The following FLNC variants were observed in gnomAD, a reference collection of about 807,000 sequenced individuals.
FLNC encodes filamin-C.
A neutral mutation model predicts 254.3 loss-of-function variants in FLNC; 91 were observed. The ratio of observed to expected loss-of-function variants is 0.36; its 90% CI spans 0.30 to 0.43. The LOEUF (loss-of-function observed/expected upper bound fraction) is 0.43. Ranked by LOEUF, FLNC falls within the 20% of genes least tolerant of loss-of-function variation. FLNC has a pLI of 1.00. For missense variants in FLNC, 2,853 were observed against 3,802.6 expected (o/e 0.75, Z 6.57); for synonymous variants, 1,430 against 1,577.2 (o/e 0.91, Z 2.21).
At position 128,835,140 on chromosome 7, in the gene FLNC, C is replaced by T. The variant is rs543377006; in HGVS notation, c.353-186C>T. Among the ~76,000 whole-genome samples the T allele has an allele frequency of 3.9e-4, 60 of 152,150 alleles. No homozygotes were observed. The highest frequency in any genetic ancestry group is 1.3e-3 in the African/African-American group (53 of 41,490). Reference sequence around the variant, plus strand: ...GAACACAGAGAAGCAGCCTTCTGACCGGAAGGGCCCCATAAAGAACTTGGC... The same window carrying T: ...GAACACAGAGAAGCAGCCTTCTGACTGGAAGGGCCCCATAAAGAACTTGGC... On this transcript the variant is annotated intron_variant, in intron 1 of 47. Transcript: ENST00000325888. This position sits in a 1 kb window ranked among gnomAD's most constrained non-coding sequence, Gnocchi z 5.3.
intron 16 of FLNC, 125 bp from the exon 17 acceptor site, chr7:128,843,104 G>T: frequency 4.4e-6 from 6 of 1,367,366 alleles, no homozygotes; most frequent in Non-Finnish European, 6.1e-6. Flanking sequence ...AGGAAGCAAA[G>T]GGGGCCCTTT....
At chr7:128,831,415 G>T (rs891894331) in intron 1 of FLNC, among the ~76,000 whole-genome samples, 5 of 152,226 alleles carry the variant, frequency 3.3e-5, no homozygotes, top group African/African-American at 9.6e-5. Flanking sequence ...CAGCTTCACA[G>T]CCCCTCCGCG....
intron 23 of FLNC, 97 bp downstream of exon 23, chr7:128,846,560 A>C (rs1483007202): frequency 4.0e-6 from 6 of 1,485,822 alleles, no homozygotes; most frequent in Non-Finnish European, 5.6e-6. Flanking sequence ...GCCCCACCCC[A>C]TCCTCTCTCA....
chr7:128,857,049 A>T lies in FLNC; in HGVS notation c.7562-69A>T. The T allele has an allele frequency of 6.3e-7, 1 of 1,576,144 alleles. No homozygotes were observed. The highest frequency in any genetic ancestry group is 2.2e-5 in the East Asian group (1 of 44,674). Reference sequence around the variant, plus strand: ...GAGTCCCCACAGAGGCTGTCCAGGGAGCTGGGGCCCAGTCCCTCTTGGGCC... The same window carrying T: ...GAGTCCCCACAGAGGCTGTCCAGGGTGCTGGGGCCCAGTCCCTCTTGGGCC... On this transcript the variant is annotated intron_variant, in intron 45 of 47. Transcript: ENST00000325888. The surrounding 1 kb of genome is among the most constrained non-coding windows in gnomAD (Gnocchi z 4.5).
rs752776641 is a variant in FLNC at position 128,852,699 on chromosome 7, C to T, written c.5951C>T (p.Pro1984Leu). The T allele has an allele frequency of 6.2e-7, 1 of 1,613,214 alleles. No individual in the cohort carries two copies. Among genetic ancestry groups the T allele is most frequent in the African/African-American group, 1.3e-5 (1 of 74,936 alleles). Reference protein sequence around the residue: ...LSQLTASIRAPSGNEEPCLLK... With the variant: ...LSQLTASIRALSGNEEPCLLK... The stretch of plus-strand genomic sequence containing the variant: ...CAGCTGACCGCCAGCATCCGTGCCC[C>T]CTCGGGCAACGAGGAGCCCTGCCTG... Residue 1984 changes from proline to leucine, a missense_variant, in exon 36 of 48, where the codon CCC becomes CTC. Transcript: ENST00000325888.
chr7:128,859,067 T>C lies in FLNC; in HGVS notation c.*544T>C, dbSNP rs150932895. ...CTGGCACATGGACCGGCCTGAGCGATGTGCACTCCACCCAAGCCAGGCTCC... is the reference window on the plus strand; with the variant it reads ...CTGGCACATGGACCGGCCTGAGCGACGTGCACTCCACCCAAGCCAGGCTCC... On this transcript the variant is annotated 3_prime_UTR_variant, in exon 48 of 48. Coordinates refer to ENST00000325888, the MANE Select transcript of FLNC (RefSeq NM_001458.5). The C allele has an allele frequency of 2.7e-3, 432 of 162,356 alleles. 5 individuals carry two copies. The highest frequency in any genetic ancestry group is 9.9e-3 in the African/African-American group (411 of 41,668). 10.1% of individuals were successfully genotyped at this position (162,356 alleles called of 1,614,324 possible). A position where few individuals can be genotyped will look rare whatever the true frequency, so the allele number is the denominator to read the frequency against.
intron 1 of FLNC, 50 bp downstream of exon 1, chr7:128,831,039 A>C: frequency 1.3e-6 from 2 of 1,564,534 alleles, no homozygotes; most frequent in Middle Eastern, 1.7e-4. Flanking sequence ...GGGTCGTCCC[A>C]TGGGGCAGGG....
At chr7:128,853,894 C>G in intron 39 of FLNC, 57 bp downstream of exon 39, 3 of 1,613,034 alleles carry the variant, frequency 1.9e-6, no homozygotes, top group South Asian at 1.1e-5. Context: ...TGGCCCGGGC[C>G]AGAGCCCACC....
chr7:128,841,337 GC>G lies in FLNC; in HGVS notation c.1985del (p.Pro662HisfsTer9), dbSNP rs1350210260. 1 of 1,613,752 alleles carries G rather than the reference GC, an allele frequency of 6.2e-7. No individual in the cohort carries two copies. The highest frequency in any genetic ancestry group is 8.5e-7 in the Non-Finnish European group (1 of 1,179,986). ...DSPFIAHILP[A>X]PPDCFPDKVK... is the part of the protein sequence containing the mutation. ...ACCCTTCATTGCCCACATCCTGCCC[GC>G]CCCACCTGACTGCTTCCCAGATAAG... On this transcript the variant is annotated frameshift_variant, in exon 12 of 48. Coordinates refer to ENST00000325888, the MANE Select transcript of FLNC (RefSeq NM_001458.5). LOFTEE classifies it high-confidence loss of function. This position sits in a 1 kb window ranked among gnomAD's most constrained non-coding sequence, Gnocchi z 4.3.
At position 128,841,696 on chromosome 7, in the gene FLNC, AC is replaced by A. The variant is rs1808342137; in HGVS notation, c.2121+130del. 1.3e-6 allele frequency: 1 copy of A among 759,264 alleles called. No individual in the cohort carries two copies. Among genetic ancestry groups the A allele is most frequent in the Non-Finnish European group, 2.4e-6 (1 of 419,562 alleles). The allele number at this position is 759,264 out of a possible 1,614,324, so 47.0% of individuals were successfully genotyped here. A position where few individuals can be genotyped will look rare whatever the true frequency, so the allele number is the denominator to read the frequency against. On this transcript the variant is annotated intron_variant, in intron 13 of 47. Coordinates refer to ENST00000325888, the MANE Select transcript of FLNC (RefSeq NM_001458.5). The surrounding 1 kb of genome is among the most constrained non-coding windows in gnomAD (Gnocchi z 4.3). ...TCACAGAAGATCAGGCAGGACTGAT[AC>A]TCATGGGCCCATCAGTACCATGGAA...
chr7:128,850,682 G>C, intron 32 of FLNC, 121 bp from the exon 33 acceptor site: 1 of 1,474,124 alleles, frequency 6.8e-7, no homozygotes, highest in Non-Finnish European at 9.3e-7. Context: ...ACTGCCACAG[G>C]CTGTCTCTTG....
In FLNC at chr7:128,842,402, C is replaced by T. The variant is rs1466041045; in HGVS notation, c.2265+28C>T. 2 of 1,613,054 alleles carry T rather than the reference C, an allele frequency of 1.2e-6. No homozygotes were observed. The highest frequency in any genetic ancestry group is 2.7e-5 in the African/African-American group (2 of 74,936). The stretch of plus-strand genomic sequence containing the variant: ...GCGTCCTCCCGGCCTGCCCCGTGCC[C>T]ACCACCAGGGGTCCCTGAGGGAGGG... On this transcript the variant is annotated intron_variant, in intron 14 of 47. Coordinates refer to ENST00000325888, the MANE Select transcript of FLNC (RefSeq NM_001458.5). The surrounding 1 kb of genome is among the most constrained non-coding windows in gnomAD (Gnocchi z 5.4).
Position 128,858,448 on chromosome 7 carries a change from AG to A in FLNC, c.8107del (p.Asp2703ThrfsTer69), listed in dbSNP as rs1563006160. ...ATGTCACCTACACTGTCAAGGAGAA[AG>A]GGGACTACATCCTCATTGTCAAGTG... ...YNVTYTVKEKGDYILIVKWGD... is the reference protein window; with the variant it reads ...YNVTYTVKEKXDYILIVKWGD... On this transcript the variant is annotated frameshift_variant, in exon 48 of 48. Transcript: ENST00000325888. LOFTEE classifies it high-confidence loss of function. This position sits in a 1 kb window ranked among gnomAD's most constrained non-coding sequence, Gnocchi z 6.7. The A allele has an allele frequency of 2.5e-6, 4 of 1,613,622 alleles. No homozygotes were observed. Among genetic ancestry groups the A allele is most frequent in the Non-Finnish European group, 3.4e-6 (4 of 1,179,840 alleles).
rs779760488 is a variant in FLNC, at chr7:128,838,599, G to T, written c.1211-4G>T. 6.2e-7 allele frequency: 1 copy of T among 1,612,876 alleles called. No homozygotes were observed. The highest frequency in any genetic ancestry group is 8.5e-7 in the Non-Finnish European group (1 of 1,179,990). On this transcript the variant is annotated splice_region_variant and splice_polypyrimidine_tract_variant and intron_variant, in intron 7 of 47. Transcript: ENST00000325888. ...GTGGTGCTGACAGCCTCTGTTTTCG[G>T]CAGGGGCCGGCACTGGCGATGTTGC...
intron 43 of FLNC, among the ~76,000 whole-genome samples, chr7:128,855,721 G>A (rs1364563097): frequency 6.6e-6 from 1 of 152,226 alleles, no homozygotes; most frequent in African/African-American, 2.4e-5. Flanking sequence ...CCTATGGGCT[G>A]CAGAGCCTGG....
At position 128,854,479 on chromosome 7, in the gene FLNC, A is replaced by G; in HGVS notation, c.6794A>G (p.Glu2265Gly). 1 of 1,608,108 alleles carries G rather than the reference A, an allele frequency of 6.2e-7. No individual in the cohort carries two copies. Among genetic ancestry groups the G allele is most frequent in the African/African-American group, 1.3e-5 (1 of 75,012 alleles). The change falls in exon 41 of 48, where the codon GAG becomes GGG. Residue 2265 changes from glutamate (E) to glycine (G), a missense_variant. This residue lies in a region of FLNC where 551 missense variants were observed against 835.0 expected (regional missense o/e 0.66). Transcript: ENST00000325888. The stretch of plus-strand genomic sequence containing the variant: ...CCATCGGGCAAGGTGGAAGCCGCAG[A>G]GATCGTCGAGGGCGAGGACAGCGCC... ...TSPSGKVEAA[E>G]IVEGEDSAYS...
chr7:128,849,679 C>T, intron 30 of FLNC, 101 bp downstream of exon 30: 1 of 1,464,716 alleles, frequency 6.8e-7, no homozygotes, highest in Non-Finnish European at 9.4e-7. Flanking sequence ...AGGAATCCCA[C>T]TTCTCTGAGG....
chr7:128,858,695 A>G lies in FLNC; in HGVS notation c.*172A>G, dbSNP rs186844166. The G allele has an allele frequency of 1.8e-4, 115 of 630,598 alleles. No individual in the cohort carries two copies. In the East Asian group the frequency reaches 2.2e-3, roughly 12 times the overall value. The allele number at this position is 630,598 out of a possible 1,614,324, so 39.1% of individuals were successfully genotyped here. Reference sequence around the variant, plus strand: ...CAGCCTCCCCACCCCACCGCGCCCCAGGGGTTGGAGGACCTTGTCTGTGTC... The same window carrying G: ...CAGCCTCCCCACCCCACCGCGCCCCGGGGGTTGGAGGACCTTGTCTGTGTC... On this transcript the variant is annotated 3_prime_UTR_variant, in exon 48 of 48. Coordinates refer to ENST00000325888, the MANE Select transcript of FLNC (RefSeq NM_001458.5). The surrounding 1 kb of genome is among the most constrained non-coding windows in gnomAD (Gnocchi z 6.7).
rs906601801 is a variant in FLNC at position 128,830,540 on chromosome 7, C to G, written c.-98C>G. On this transcript the variant is annotated 5_prime_UTR_variant, in exon 1 of 48. Transcript: ENST00000325888. Reference sequence around the variant, plus strand: ...GAAGTTGGAGAGGAGAGCAGCGCAGCGCAGCGAGTCCCGTGGTCGCGCCCC... The same window carrying G: ...GAAGTTGGAGAGGAGAGCAGCGCAGGGCAGCGAGTCCCGTGGTCGCGCCCC... 92 of 998,374 alleles carry G rather than the reference C, an allele frequency of 9.2e-5. No homozygotes were observed. Among genetic ancestry groups the G allele is most frequent in the Admixed American group, 3.9e-4 (19 of 48,440 alleles). The allele number at this position is 998,374 out of a possible 1,614,324, so 61.8% of individuals were successfully genotyped here. A position where few individuals can be genotyped will look rare whatever the true frequency, so the allele number is the denominator to read the frequency against.
Sources: allele counts gnomAD v4.1 joint callset (sites outside exome capture counted in the v4.1 genomes callset), GRCh38; gene constraint gnomAD v4.1.1; regional missense constraint gnomAD v4.1.1; non-coding constraint Gnocchi (gnomAD v3.1); transcripts MANE v1.5; gene names NCBI Gene and HGNC (gene_info 2026-07-23, HGNC 2026-07-21).